Variants in SLC2A9 observed in about 807,000 individuals in gnomAD.
SLC2A9 encodes the protein solute carrier family 2, facilitated glucose transporter member 9.
A neutral mutation model predicts 50.6 loss-of-function variants in SLC2A9; 39 were observed. The ratio of observed to expected loss-of-function variants is 0.77; its 90% CI spans 0.60 to 1.01. The LOEUF is 1.01. SLC2A9 is among the 50% of genes least tolerant of loss of function. The pLI is 0.00. For missense variants in SLC2A9, 686 were observed against 677.6 expected, an observed-to-expected ratio of 1.01 and a Z score of -0.14; for synonymous variants, 324 against 276.9, an observed-to-expected ratio of 1.17 and a Z score of -1.69.
intron 5 of SLC2A9, among the ~76,000 whole-genome samples, chr4:9,961,429 A>G (rs1752251638): frequency 6.6e-6 from 1 of 152,230 alleles, no homozygotes; most frequent in South Asian, 2.1e-4. Flanking sequence ...CTGATCTTCA[A>G]CAAACCTGAC....
In SLC2A9 at chr4:9,905,806, G is replaced by A. The variant is rs1445815987; in HGVS notation, c.1113+2429C>T. 2.0e-5 allele frequency among the ~76,000 whole-genome samples: 3 copies of A among 152,218 alleles called. No homozygotes were observed. The East Asian group carries it at 5.8e-4, about 29-fold the overall frequency. On this transcript the variant is annotated intron_variant, in intron 8 of 11. Transcript: ENST00000264784. Reference sequence around the variant, plus strand: ...TCAGGCATGATGTGAGCATTCATGAGGTCCCATGTAGAACACTTTGGGGTG... The same window carrying A: ...TCAGGCATGATGTGAGCATTCATGAAGTCCCATGTAGAACACTTTGGGGTG...
At chr4:9,788,329 A>C (rs1045068013) in intron 3 of SLC2A9, among the ~76,000 whole-genome samples, 2 of 150,640 alleles carry the variant, frequency 1.3e-5, no homozygotes, top group African/African-American at 4.9e-5. Context: ...AGCTGGGACC[A>C]AAGTCATATG....
At chr4:9,996,088 A>G (rs1270125387) in intron 3 of SLC2A9, 2 of 153,312 alleles carry the variant, frequency 1.3e-5, no homozygotes, top group Non-Finnish European at 2.9e-5. Context: ...GAGGCTCACA[A>G]GGTCAAGTGA....
intron 10 of SLC2A9, among the ~76,000 whole-genome samples, chr4:9,843,321 A>G (rs1294647123): frequency 6.6e-6 from 1 of 152,356 alleles, no homozygotes; most frequent in East Asian, 1.9e-4. Context: ...GCCATTACTA[A>G]TAACAACAGT....
chr4:9,936,600 G>C (rs1374441979), intron 6 of SLC2A9, among the ~76,000 whole-genome samples: 1 of 152,216 alleles, frequency 6.6e-6, no homozygotes, highest in Non-Finnish European at 1.5e-5. Context: ...TGAATGTCTG[G>C]AGCAGCAGGT....
chr4:9,798,464 T>A (rs1182532055), downstream of SLC2A9, among the ~76,000 whole-genome samples: 1 of 152,136 alleles, frequency 6.6e-6, no homozygotes, highest in East Asian at 1.9e-4. Flanking sequence ...ATAGTAGCAA[T>A]CATTATGTAA....
intron 3 of SLC2A9, chr4:9,782,781 T>G (rs1718650679): frequency 1.2e-6 from 2 of 1,613,846 alleles, no homozygotes; most frequent in South Asian, 2.2e-5. Context: ...ATCTACCGCA[T>G]CGCCCAGGTG....
At chr4:9,964,326 C>G (rs373237553) in intron 5 of SLC2A9, among the ~76,000 whole-genome samples, 1 of 152,144 alleles carries the variant, frequency 6.6e-6, no homozygotes, top group Admixed American at 6.5e-5. Flanking sequence ...GTTTTGAGAA[C>G]TCTGGTTGTT....
chr4:9,940,267 C>A (rs1242804647), intron 6 of SLC2A9, among the ~76,000 whole-genome samples: 1 of 152,228 alleles, frequency 6.6e-6, no homozygotes, highest in Non-Finnish European at 1.5e-5. Flanking sequence ...TGCCATCTGA[C>A]AACCATCTGA....
At chr4:9,785,634 CTT>C (rs912284418) in intron 3 of SLC2A9, among the ~76,000 whole-genome samples, 8 of 152,344 alleles carry the variant, frequency 5.3e-5, no homozygotes, top group Non-Finnish European at 8.8e-5. Context: ...TATGTGAGGA[CTT>C]TGGAATTTCC....
intron 11 of SLC2A9, among the ~76,000 whole-genome samples, chr4:9,829,991 G>T (rs1725804138): frequency 1.3e-5 from 2 of 152,206 alleles, no homozygotes; most frequent in South Asian, 2.1e-4. Context: ...AATGCCATTT[G>T]TCTCAGCAAT....
At chr4:9,963,050 A>G (rs1164658029) in intron 5 of SLC2A9, among the ~76,000 whole-genome samples, 1 of 152,204 alleles carries the variant, frequency 6.6e-6, no homozygotes, top group African/African-American at 2.4e-5. Flanking sequence ...CCATTAGGAA[A>G]GAGGTCTAAC....
rs139520814 is a variant in SLC2A9, at chr4:9,894,418, T to G, written c.1114-3707A>C. Among the ~76,000 whole-genome samples the G allele has an allele frequency of 1.8e-4, 28 of 152,358 alleles. No homozygotes were observed. The East Asian group carries it at 5.4e-3, about 29-fold the overall frequency. On this transcript the variant is annotated intron_variant, in intron 8 of 11. Coordinates refer to ENST00000264784, the MANE Select transcript of SLC2A9 (RefSeq NM_020041.3). The stretch of plus-strand genomic sequence containing the variant: ...GAAAAATATATGCAGAAATAGTTTA[T>G]AATGGCTAACTCTGGTTGGGGGAAT...
intron 10 of SLC2A9, among the ~76,000 whole-genome samples, chr4:9,846,421 T>C (rs898787867): frequency 2.0e-5 from 3 of 151,932 alleles, no homozygotes; most frequent in Non-Finnish European, 4.4e-5. Flanking sequence ...GCTTCCTAGG[T>C]AGGGAGGCAG....
intron 5 of SLC2A9, among the ~76,000 whole-genome samples, chr4:9,959,801 C>G (rs1205487251): frequency 6.6e-6 from 1 of 152,230 alleles, no homozygotes; most frequent in Non-Finnish European, 1.5e-5. Context: ...CTGGTCTACA[C>G]TCTCAGGCTC....
At chr4:9,839,105 T>G (rs1444460133) in intron 10 of SLC2A9, among the ~76,000 whole-genome samples, 1 of 152,110 alleles carries the variant, frequency 6.6e-6, no homozygotes, top group Non-Finnish European at 1.5e-5. Flanking sequence ...ACTATGCATC[T>G]GACAAAGATC....
intron 7 of SLC2A9, among the ~76,000 whole-genome samples, chr4:9,917,325 C>CTTTTTTTTTTTTTT (rs55927201): frequency 3.5e-4 from 29 of 81,800 alleles, no homozygotes; most frequent in Non-Finnish European, 4.7e-4. Context: ...TTCTTTTTTC[C>CTTTTTTTTTTTTTT]TTTTTTTTTT....
At chr4:9,936,259 C>A (rs1311696851) in intron 6 of SLC2A9, among the ~76,000 whole-genome samples, 1 of 152,190 alleles carries the variant, frequency 6.6e-6, no homozygotes, top group Non-Finnish European at 1.5e-5. Flanking sequence ...ACAAAGCACT[C>A]TGATATCCAT....
intron 10 of SLC2A9, among the ~76,000 whole-genome samples, chr4:9,866,412 G>A (rs1205787005): frequency 6.6e-6 from 1 of 152,056 alleles, no homozygotes; most frequent in Non-Finnish European, 1.5e-5. Flanking sequence ...GTTTCCCATT[G>A]CATTTGAAAT....
Sources: gnomAD v4.1 joint callset for allele counts (sites outside exome capture counted in the v4.1 genomes callset) on GRCh38, gnomAD v4.1.1 for gene constraint, MANE v1.5 for transcripts, NCBI Gene and HGNC (gene_info 2026-07-23, HGNC 2026-07-21) for gene names.